BAZ2B: variants seen among roughly 807,000 people sequenced by gnomAD.
BAZ2B encodes bromodomain adjacent to zinc finger domain 2B.
Under a neutral mutation model 246.0 loss-of-function variants are expected in BAZ2B, and 91 were observed. The observed-to-expected ratio is 0.37, with a 90% confidence interval of 0.31 to 0.44. The LOEUF is 0.44. BAZ2B is among the 20% of genes least tolerant of loss of function. The pLI, the probability that BAZ2B is intolerant of heterozygous loss-of-function variation, is 1.00. For missense variants in BAZ2B, 2,332 were observed against 2,533.7 expected (o/e 0.92, Z 1.71); for synonymous variants, 855 against 860.0 (o/e 0.99, Z 0.10).
chr2:159,548,649 G>A (rs2087705672), intron 2 of BAZ2B, among the ~76,000 whole-genome samples: 1 of 152,094 alleles, frequency 6.6e-6, no homozygotes, highest in South Asian at 2.1e-4. Context: ...AATATTTAAT[G>A]ATAGTCAAGT....
intron 1 of BAZ2B, among the ~76,000 whole-genome samples, chr2:159,558,540 G>A (rs1388879689): frequency 2.0e-5 from 3 of 151,994 alleles, no homozygotes; most frequent in African/African-American, 7.3e-5. Flanking sequence ...GATTACAGGC[G>A]TGAGCCACTG....
chr2:159,417,993 G>A (rs997010654), intron 13 of BAZ2B, among the ~76,000 whole-genome samples: 1 of 152,210 alleles, frequency 6.6e-6, no homozygotes, highest in Non-Finnish European at 1.5e-5. Context: ...TCTTTTGGGA[G>A]AGAGAACTGG....
chr2:159,515,188 A>T (rs115772807), intron 2 of BAZ2B, among the ~76,000 whole-genome samples: 4 of 152,004 alleles, frequency 2.6e-5, no homozygotes, highest in Non-Finnish European at 5.9e-5. Flanking sequence ...ATCTTACTAC[A>T]TAGATCACCT....
chr2:159,454,905 G>A (rs542714572), intron 3 of BAZ2B, among the ~76,000 whole-genome samples: 8 of 152,086 alleles, frequency 5.3e-5, no homozygotes, highest in Non-Finnish European at 1.2e-4. Flanking sequence ...AATGTTATAT[G>A]ATAAAAACAT....
At chr2:159,677,860 C>G in the BAZ2B span, among the ~76,000 whole-genome samples, 2 of 152,140 alleles carry the variant, frequency 1.3e-5, no homozygotes, top group Non-Finnish European at 2.9e-5. Flanking sequence ...CATCAAGTTA[C>G]TTCAGAGCAC....
Position 159,382,618 on chromosome 2 carries a change from C to T in BAZ2B, c.3946G>A (p.Glu1316Lys). Residue 1316 changes from glutamate to lysine, a missense_variant, in exon 25 of 37, where the codon GAG (glutamate) becomes AAG (lysine). Glu to Lys is a moderately conservative substitution (Grantham distance 56). Transcript: ENST00000392783. Reference sequence around the variant, plus strand: ...TTGTCTTCTTTATCTTCTTCATCCTCATCATCTTCATCCCCTTGGTCATCA... The same window carrying T: ...TTGTCTTCTTTATCTTCTTCATCCTTATCATCTTCATCCCCTTGGTCATCA... ...DSDDQGDEDD[E>K]DEEDKEDKKG... The T allele has an allele frequency of 4.5e-6, 7 of 1,565,758 alleles. No individual in the cohort carries two copies. The highest frequency in any genetic ancestry group is 5.2e-6 in the Non-Finnish European group (6 of 1,152,602).
At chr2:159,511,189 T>A (rs984901595) in intron 2 of BAZ2B, among the ~76,000 whole-genome samples, 2 of 152,098 alleles carry the variant, frequency 1.3e-5, no homozygotes, top group Non-Finnish European at 2.9e-5. Context: ...GAATACTCAT[T>A]CTCTGGACAT....
At chr2:159,533,665 A>AT (rs1421514788) in intron 2 of BAZ2B, among the ~76,000 whole-genome samples, 1 of 152,204 alleles carries the variant, frequency 6.6e-6, no homozygotes, top group Non-Finnish European at 1.5e-5. Flanking sequence ...CCAAACAAGT[A>AT]TAACTAATAA....
intron 31 of BAZ2B, among the ~76,000 whole-genome samples, chr2:159,344,488 G>T (rs1418271090): frequency 2.7e-5 from 4 of 150,740 alleles, no homozygotes; most frequent in African/African-American, 7.3e-5. Context: ...GAGCTGAGAT[G>T]GCGCCATTGA....
the BAZ2B span, among the ~76,000 whole-genome samples, chr2:159,711,389 T>C: frequency 6.6e-6 from 1 of 152,226 alleles, no homozygotes; most frequent in African/African-American, 2.4e-5. Context: ...GAATTTATCA[T>C]AGTGAAACAT....
At chr2:159,618,505 G>C (rs113739381), upstream of BAZ2B, among the ~76,000 whole-genome samples, 684 of 152,108 alleles carry the variant, frequency 4.5e-3, 3 homozygotes, top group African/African-American at 0.015. Flanking sequence ...GAAAAATATA[G>C]ATTAAAATAT....
chr2:159,432,577 C>G (rs998194889), intron 9 of BAZ2B, among the ~76,000 whole-genome samples, 180 bp downstream of exon 9: 2 of 152,182 alleles, frequency 1.3e-5, no homozygotes, highest in African/African-American at 4.8e-5. Context: ...AGCTGAGAAT[C>G]TGACTTAGGA....
chr2:159,586,947 A>G (rs369651269), intron 1 of BAZ2B, among the ~76,000 whole-genome samples: 34 of 152,344 alleles, frequency 2.2e-4, no homozygotes, highest in African/African-American at 7.7e-4. Flanking sequence ...CCTCAAGTAC[A>G]TCTTCCAGAA....
intron 3 of BAZ2B, chr2:159,463,296 A>C: frequency 2.9e-6 from 1 of 340,840 alleles, no homozygotes; most frequent in Non-Finnish European, 5.8e-6. Context: ...ACACTTAAAA[A>C]AGACGATTCC....
chr2:159,694,475 T>G, the BAZ2B span: 1 of 152,152 alleles, frequency 6.6e-6, no homozygotes, highest in Non-Finnish European at 1.5e-5. Context: ...CTATACTCAT[T>G]AGCAGTCACT....
At chr2:159,459,299 T>G (rs1332101014) in intron 3 of BAZ2B, 1 of 152,266 alleles carries the variant, frequency 6.6e-6, no homozygotes, top group South Asian at 2.1e-4. Context: ...TCATAATACC[T>G]GCTATAGGCA....
chr2:159,366,202 C>T (rs2060202611), intron 27 of BAZ2B, among the ~76,000 whole-genome samples: 1 of 152,200 alleles, frequency 6.6e-6, no homozygotes, highest in Non-Finnish European at 1.5e-5. Context: ...CCATGCCCCA[C>T]ATTAGGAGAA....
At chr2:159,587,965 C>T (rs375745091) in intron 1 of BAZ2B, among the ~76,000 whole-genome samples, 13 of 151,970 alleles carry the variant, frequency 8.6e-5, no homozygotes, top group African/African-American at 2.4e-4. Context: ...CCAGTGTGAG[C>T]GTACCGCTTG....
At chr2:159,518,736 G>A (rs774269839) in intron 2 of BAZ2B, among the ~76,000 whole-genome samples, 1 of 152,110 alleles carries the variant, frequency 6.6e-6, no homozygotes, top group Admixed American at 6.5e-5. Context: ...AAGAGGACAT[G>A]AGAAAGATGA....
Sources: gnomAD v4.1 joint callset for allele counts (sites outside exome capture counted in the v4.1 genomes callset) on GRCh38, gnomAD v4.1.1 for gene constraint, MANE v1.5 for transcripts, NCBI Gene and HGNC (gene_info 2026-07-23, HGNC 2026-07-21) for gene names.